ESPNL: variants seen among roughly 807,000 people sequenced by gnomAD.
ESPNL encodes espin like, also known as espin-like protein.
ESPNL carries 49 observed loss-of-function variants against 46.8 expected under a neutral mutation model. That is an observed-to-expected ratio of 1.05 (90% CI 0.83 to 1.33). ESPNL has a LOEUF of 1.33. Among genes scored for constraint, ESPNL ranks in the 40% most tolerant of loss-of-function variants. The probability of loss-of-function intolerance (pLI) is 0.00; values close to 1 mark genes in which losing one functional copy is unlikely to be tolerated. For synonymous variants in ESPNL, 664 were observed against 662.1 expected, an observed-to-expected ratio of 1.00 and a Z score of -0.04; for missense variants, 1,540 against 1,436.6, an observed-to-expected ratio of 1.07 and a Z score of -1.16.
rs1192782425 is a variant in ESPNL at position 238,128,914 on chromosome 2, CG to C, written c.1413+12del. 1.3e-6 allele frequency: 2 copies of C among 1,532,764 alleles called. No individual in the cohort carries two copies. Among genetic ancestry groups the C allele is most frequent in the Admixed American group, 3.9e-5 (2 of 50,708 alleles). 94.9% of individuals were successfully genotyped at this position (1,532,764 alleles called of 1,614,324 possible). A position where few individuals can be genotyped will look rare whatever the true frequency, so the allele number is the denominator to read the frequency against. On this transcript the variant is annotated intron_variant, in intron 8 of 8. Coordinates refer to ENST00000343063, the MANE Select transcript of ESPNL (RefSeq NM_194312.4). ...CTCCGCAGAGGCCCAGGTAGGCCCC[CG>C]GCAGGGGCGGGACCAGTGGGCGGGG...
Position 238,100,478 on chromosome 2 carries a change from G to C in ESPNL, c.59G>C (p.Arg20Pro), listed in dbSNP as rs751081371. 1 of 1,601,694 alleles carries C rather than the reference G, an allele frequency of 6.2e-7. No homozygotes were observed. The highest frequency in any genetic ancestry group is 8.5e-7 in the Non-Finnish European group (1 of 1,176,682). ...GATGGGGATGTGGCGACGTTGGAGC[G>C]GCTGCTGGAGGCTGGCGCCCTGGGC... ...AKDGDVATLE[R>P]LLEAGALGPG... The change falls in exon 1 of 9, where the codon CGG (arginine) becomes CCG (proline). Residue 20 changes from arginine (R) to proline (P), a missense_variant. Physicochemically the swap from Arg to Pro is moderately radical, Grantham distance 103. Transcript: ENST00000343063.
chr2:238,107,180 A>C lies in ESPNL; in HGVS notation c.673-611A>C, dbSNP rs1160464187. Among the ~76,000 whole-genome samples, 6 of 152,330 alleles carry C rather than the reference A, an allele frequency of 3.9e-5. No individual in the cohort carries two copies. The East Asian group carries it at 1.2e-3, about 29-fold the overall frequency. ...CCAGCTGCACAGGTTTCCGCAAGTCAGTGTAGAGGACTGTCACCTGGCTGG... is the reference window on the plus strand; with the variant it reads ...CCAGCTGCACAGGTTTCCGCAAGTCCGTGTAGAGGACTGTCACCTGGCTGG... On this transcript the variant is annotated intron_variant, in intron 3 of 8. Transcript: ENST00000343063.
At position 238,130,292 on chromosome 2, in the gene ESPNL, T is replaced by C. The variant is rs964064832; in HGVS notation, c.1578T>C (p.Tyr526=). 6.2e-7 allele frequency: 1 copy of C among 1,607,528 alleles called. No homozygotes were observed. Among genetic ancestry groups the C allele is most frequent in the Admixed American group, 1.7e-5 (1 of 59,112 alleles). The change falls in exon 9 of 9, where the codon TAT becomes TAC. Residue 526 remains tyrosine, a synonymous_variant. Transcript: ENST00000343063. ...DLQLRRRCQE[Y]ESELGRLAAE... ...AGCTTCGGCGCCGCTGTCAGGAGTA[T>C]GAGAGTGAGCTGGGCCGGTTGGCGG... is the stretch of plus-strand genomic sequence containing the variant.
chr2:238,106,994 T>A (rs375080259), intron 3 of ESPNL, among the ~76,000 whole-genome samples: 3 of 152,346 alleles, frequency 2.0e-5, no homozygotes, highest in East Asian at 3.9e-4. Context: ...CTGGCGGCTC[T>A]GCTGTTCTCG....
intron 2 of ESPNL, 32 bp from the exon 3 acceptor site, chr2:238,104,624 G>A (rs1252459833): frequency 1.3e-6 from 2 of 1,534,576 alleles, no homozygotes; most frequent in East Asian, 2.4e-5. Context: ...CATAGGCAGG[G>A]ACTGGGCCTC....
intron 2 of ESPNL, among the ~76,000 whole-genome samples, chr2:238,102,909 C>T (rs1464988130): frequency 6.6e-6 from 1 of 152,240 alleles, no homozygotes; most frequent in East Asian, 1.9e-4. Context: ...CCAGAGGCCT[C>T]AGTCCCCCAC....
rs570258039 is a variant in ESPNL, at chr2:238,130,162, C to T, written c.1448C>T (p.Ala483Val). ...GGGAGCTCAGGCCCCACGGAGCAGG[C>T]GGCCTGGAGGTACTCACAGACTCAT... ...NGGSSGPTEQ[A>V]AWRYSQTHQA... Residue 483 changes from alanine (A) to valine (V), a missense_variant, in exon 9 of 9, where the codon GCG (alanine) becomes GTG (valine). Physicochemically the swap from Ala to Val is moderately conservative, Grantham distance 64. Coordinates refer to ENST00000343063, the MANE Select transcript of ESPNL (RefSeq NM_194312.4). The T allele has an allele frequency of 4.8e-5, 77 of 1,612,538 alleles. No individual in the cohort carries two copies. In the East Asian group the frequency reaches 9.8e-4, roughly 21 times the overall value.
rs1197157733 is a variant in ESPNL, at chr2:238,107,773, C to T, written c.673-18C>T. 2.6e-6 allele frequency: 4 copies of T among 1,558,214 alleles called. No individual in the cohort carries two copies. On this transcript the variant is annotated intron_variant, in intron 3 of 8. Transcript: ENST00000343063. The stretch of plus-strand genomic sequence containing the variant: ...CTCCCTGGGAGGATGGCTGCTCCCT[C>T]TGCCCCTCCTTCCCCAGGTCACATT...
Position 238,131,321 on chromosome 2 carries a change from C to A in ESPNL, c.2607C>A (p.Asp869Glu). Residue 869 changes from aspartate to glutamate, a missense_variant, in exon 9 of 9, where the codon GAC becomes GAA. Asp to Glu is a conservative substitution (Grantham distance 45). Coordinates refer to ENST00000343063, the MANE Select transcript of ESPNL (RefSeq NM_194312.4). ...MLGYFQLLEC[D>E]LPAEERKLRH... is the part of the protein sequence containing the mutation. ...GTTACTTCCAGCTGCTGGAGTGCGA[C>A]CTGCCGGCGGAGGAGCGGAAGCTGC... The A allele has an allele frequency of 6.3e-7, 1 of 1,587,312 alleles. No homozygotes were observed. Among genetic ancestry groups the A allele is most frequent in the Non-Finnish European group, 8.6e-7 (1 of 1,167,538 alleles).
chr2:238,131,421 G>C lies in ESPNL; in HGVS notation c.2707G>C (p.Ala903Pro). ...GWEAVRAFHK[A>P]VTDEVAAGRR... ...GGAGGCTGTGCGCGCCTTCCACAAGGCCGTGACCGACGAGGTGGCCGCCGG... is the reference window on the plus strand; with the variant it reads ...GGAGGCTGTGCGCGCCTTCCACAAGCCCGTGACCGACGAGGTGGCCGCCGG... The change falls in exon 9 of 9, where the codon GCC becomes CCC. Residue 903 changes from alanine to proline, a missense_variant. Coordinates refer to ENST00000343063, the MANE Select transcript of ESPNL (RefSeq NM_194312.4). The C allele has an allele frequency of 6.2e-7, 1 of 1,608,520 alleles. No individual in the cohort carries two copies. The highest frequency in any genetic ancestry group is 1.3e-5 in the African/African-American group (1 of 74,978).
intron 5 of ESPNL, among the ~76,000 whole-genome samples, chr2:238,120,574 C>T (rs570648690): frequency 6.2e-4 from 95 of 152,380 alleles, no homozygotes; most frequent in South Asian, 3.3e-3. Flanking sequence ...CTCCTGCCCG[C>T]GCCTGGGCGC....
intron 4 of ESPNL, 127 bp downstream of exon 4, chr2:238,108,100 G>A: frequency 1.1e-6 from 1 of 887,670 alleles, no homozygotes; most frequent in South Asian, 1.9e-5. Context: ...GTAAACTGAG[G>A]CTCTAAGTGG....
intron 5 of ESPNL, among the ~76,000 whole-genome samples, chr2:238,121,984 G>A (rs1691996565): frequency 6.6e-6 from 1 of 152,238 alleles, no homozygotes; most frequent in African/African-American, 2.4e-5. Context: ...CTGACCGGGT[G>A]GCATTACAGG....
Position 238,104,667 on chromosome 2 carries a change from G to C in ESPNL, c.497G>C (p.Arg166Pro), listed in dbSNP as rs776250145. 3.8e-6 allele frequency: 6 copies of C among 1,593,644 alleles called. 1 individual carries two copies. Among genetic ancestry groups the C allele is most frequent in the South Asian group, 2.2e-5 (2 of 88,972 alleles). The change falls in exon 3 of 9, where the codon CGG becomes CCG. Residue 166 changes from arginine to proline, a missense_variant. Physicochemically the swap from Arg to Pro is moderately radical, Grantham distance 103. Transcript: ENST00000343063. ...TCCCTTCCCTGCAGCAGCGTGAACCGGCGGACACGCAGTGGCGCCTCCCCA... is the reference window on the plus strand; with the variant it reads ...TCCCTTCCCTGCAGCAGCGTGAACCCGCGGACACGCAGTGGCGCCTCCCCA... ...LTAAHGSSVNRRTRSGASPLY... is the reference protein window; with the variant it reads ...LTAAHGSSVNPRTRSGASPLY...
chr2:238,107,776 C>G lies in ESPNL; in HGVS notation c.673-15C>G, dbSNP rs368949228. On this transcript the variant is annotated splice_polypyrimidine_tract_variant and intron_variant, in intron 3 of 8. Transcript: ENST00000343063. ...CCTGGGAGGATGGCTGCTCCCTCTG[C>G]CCCTCCTTCCCCAGGTCACATTCAC... 3.2e-6 allele frequency: 5 copies of G among 1,561,530 alleles called. No homozygotes were observed. The African/African-American group carries it at 4.1e-5, about 13-fold the overall frequency.
intron 5 of ESPNL, among the ~76,000 whole-genome samples, chr2:238,118,385 GAAGGGTGGATGGAA>G (rs1574736466): frequency 1.8e-5 from 2 of 108,980 alleles, no homozygotes; most frequent in African/African-American, 8.8e-5. Context: ...GGTGGATGGA[GAAGGGTGGATGGAA>G]GAGGGTGGAC....
intron 4 of ESPNL, among the ~76,000 whole-genome samples, chr2:238,112,943 T>C (rs1200643670): frequency 6.6e-6 from 1 of 152,242 alleles, no homozygotes; most frequent in African/African-American, 2.4e-5. Flanking sequence ...TTGGAAAGAC[T>C]GTAGAGTTTG....
intron 6 of ESPNL, among the ~76,000 whole-genome samples, chr2:238,126,906 T>TC (rs569215679): frequency 3.2e-4 from 48 of 151,976 alleles, no homozygotes; most frequent in Admixed American, 1.3e-3. Context: ...TGTGATTGTG[T>TC]GTGTATGATC....
Position 238,131,818 on chromosome 2 carries a change from T to A in ESPNL, c.*86T>A. 1.4e-6 allele frequency: 2 copies of A among 1,453,876 alleles called. No homozygotes were observed. Among genetic ancestry groups the A allele is most frequent in the Non-Finnish European group, 1.9e-6 (2 of 1,074,394 alleles). The allele number at this position is 1,453,876 out of a possible 1,614,324, so 90.1% of individuals were successfully genotyped here. On this transcript the variant is annotated 3_prime_UTR_variant, in exon 9 of 9. Transcript: ENST00000343063. ...TTTTCCTTGCTCACACCCTTGGTGT[T>A]CAGGTGAGCCGGGCAAGGCTGCCTC...
Sources: gnomAD v4.1 joint callset for allele counts (sites outside exome capture counted in the v4.1 genomes callset) on GRCh38, gnomAD v4.1.1 for gene constraint, MANE v1.5 for transcripts, NCBI Gene and HGNC (gene_info 2026-07-23, HGNC 2026-07-21) for gene names.